The following SFN variants were observed in gnomAD, a reference collection of about 807,000 sequenced individuals.
SFN encodes 14-3-3 protein sigma.
In SFN, 5 loss-of-function variants were observed where a neutral mutation model predicts 19.1. The ratio of observed to expected loss-of-function variants is 0.26; its 90% CI spans 0.14 to 0.55. SFN has a LOEUF of 0.55. SFN is among the 20% of genes least tolerant of loss of function. The probability of loss-of-function intolerance (pLI) is 0.94; values close to 1 mark genes in which losing one functional copy is unlikely to be tolerated. For synonymous variants in SFN, 130 were observed against 140.9 expected, an observed-to-expected ratio of 0.92 and a Z score of 0.55; for missense variants, 287 against 330.0, an observed-to-expected ratio of 0.87 and a Z score of 1.01.
At position 26,863,658 on chromosome 1, in the gene SFN, C is replaced by T. The variant is rs78707984; in HGVS notation, c.446C>T (p.Ser149Leu). The change falls in exon 1 of 1, where the codon TCA becomes TTA. Residue 149 changes from serine to leucine, a missense_variant. Transcript: ENST00000339276. This position sits in a 1 kb window ranked among gnomAD's most constrained non-coding sequence, Gnocchi z 7.4. ...AAGCGCATCATTGACTCAGCCCGGTCAGCCTACCAGGAGGCCATGGACATC... is the reference window on the plus strand; with the variant it reads ...AAGCGCATCATTGACTCAGCCCGGTTAGCCTACCAGGAGGCCATGGACATC... ...DKKRIIDSAR[S>L]AYQEAMDISK... 6.7e-4 allele frequency: 1,078 copies of T among 1,613,964 alleles called. 2 individuals carry two copies. The highest frequency in any genetic ancestry group is 8.9e-4 in the Non-Finnish European group (1,050 of 1,180,030).
Position 26,863,954 on chromosome 1 carries a change from A to T in SFN, c.742A>T (p.Ser248Cys). The T allele has an allele frequency of 1.2e-6, 2 of 1,609,002 alleles. No homozygotes were observed. Among genetic ancestry groups the T allele is most frequent in the Non-Finnish European group, 1.7e-6 (2 of 1,177,540 alleles). The change falls in exon 1 of 1, where the codon AGC (serine) becomes TGC (cysteine). Residue 248 changes from serine to cysteine, a missense_variant. Ser to Cys is a moderately radical substitution (Grantham distance 112). Transcript: ENST00000339276. The surrounding 1 kb of genome is among the most constrained non-coding windows in gnomAD (Gnocchi z 7.4). Reference sequence around the variant, plus strand: ...GGGCGAGGCTCCCCAGGAGCCCCAGAGCTGAGTGTTGCCCGCCACCGCCCC... The same window carrying T: ...GGGCGAGGCTCCCCAGGAGCCCCAGTGCTGAGTGTTGCCCGCCACCGCCCC... ...EGGEAPQEPQ[S>C] is the part of the protein sequence containing the mutation.
At position 26,864,017 on chromosome 1, in the gene SFN, C is replaced by G. The variant is rs2081773893; in HGVS notation, c.*58C>G. The stretch of plus-strand genomic sequence containing the variant: ...CCAGTCCCCCACCCTGCCGAGAGGA[C>G]TAGTATGGGGTGGGAGGCCCCACCC... On this transcript the variant is annotated 3_prime_UTR_variant, in exon 1 of 1. Transcript: ENST00000339276. This position sits in a 1 kb window ranked among gnomAD's most constrained non-coding sequence, Gnocchi z 5.2. 2 of 1,417,084 alleles carry G rather than the reference C, an allele frequency of 1.4e-6. No homozygotes were observed. The highest frequency in any genetic ancestry group is 1.9e-6 in the Non-Finnish European group (2 of 1,051,038). 87.8% of individuals were successfully genotyped at this position (1,417,084 alleles called of 1,614,324 possible).
In SFN at chr1:26,864,364, T is replaced by TGTGTGTGC. The variant is rs746458233; in HGVS notation, c.*406_*407insTGTGTGCG. On this transcript the variant is annotated 3_prime_UTR_variant, in exon 1 of 1. Coordinates refer to ENST00000339276, the MANE Select transcript of SFN (RefSeq NM_006142.5). This position sits in a 1 kb window ranked among gnomAD's most constrained non-coding sequence, Gnocchi z 5.2. Reference sequence around the variant, plus strand: ...GTGTGTGTGTGTGTGTGTGTGTGTGTGCGCGCGCGCCAGTGCAAGACCGAG... The same window carrying TGTGTGTGC: ...GTGTGTGTGTGTGTGTGTGTGTGTGTGTGTGTGCGCGCGCGCGCCAGTGCAAGACCGAG... 4.6e-3 allele frequency: 865 copies of TGTGTGTGC among 187,066 alleles called. 4 individuals carry two copies. The highest frequency in any genetic ancestry group is 6.2e-3 in the Non-Finnish European group (515 of 83,376). The allele number at this position is 187,066 out of a possible 1,614,324, so 11.6% of individuals were successfully genotyped here.
In SFN at chr1:26,863,958, G is replaced by A. The variant is rs757373679; in HGVS notation, c.746G>A (p.Ter249=). The part of the protein sequence containing the change: ...GGEAPQEPQS[*] ...GAGGCTCCCCAGGAGCCCCAGAGCT[G>A]AGTGTTGCCCGCCACCGCCCCGCCC... The change falls in exon 1 of 1, where the codon TGA becomes TAA. Residue 249 remains the stop codon, a stop_retained_variant. Transcript: ENST00000339276. This position sits in a 1 kb window ranked among gnomAD's most constrained non-coding sequence, Gnocchi z 7.4. 5.6e-6 allele frequency: 9 copies of A among 1,606,982 alleles called. No individual in the cohort carries two copies. The highest frequency in any genetic ancestry group is 4.0e-5 in the African/African-American group (3 of 74,844).
rs1224155739 is a variant in SFN, at chr1:26,864,336, T to G, written c.*377T>G. Reference sequence around the variant, plus strand: ...GTGGCAGGGGCTGGAGATGGGTGTGTGTGTGTGTGTGTGTGTGTGTGTGTG... The same window carrying G: ...GTGGCAGGGGCTGGAGATGGGTGTGGGTGTGTGTGTGTGTGTGTGTGTGTG... On this transcript the variant is annotated 3_prime_UTR_variant, in exon 1 of 1. Transcript: ENST00000339276. This position sits in a 1 kb window ranked among gnomAD's most constrained non-coding sequence, Gnocchi z 5.2. 2.1e-5 allele frequency: 4 copies of G among 187,098 alleles called. No individual in the cohort carries two copies. Among genetic ancestry groups the G allele is most frequent in the Non-Finnish European group, 4.7e-5 (4 of 85,176 alleles). 11.6% of individuals were successfully genotyped at this position (187,098 alleles called of 1,614,324 possible). A position where few individuals can be genotyped will look rare whatever the true frequency, so the allele number is the denominator to read the frequency against.
Position 26,864,023 on chromosome 1 carries a change from T to C in SFN, c.*64T>C, listed in dbSNP as rs1260399775. ...CCCCACCCTGCCGAGAGGACTAGTA[T>C]GGGGTGGGAGGCCCCACCCTTCTCC... On this transcript the variant is annotated 3_prime_UTR_variant, in exon 1 of 1. Transcript: ENST00000339276. This position sits in a 1 kb window ranked among gnomAD's most constrained non-coding sequence, Gnocchi z 5.2. The C allele has an allele frequency of 1.2e-5, 16 of 1,376,874 alleles. No homozygotes were observed. Among genetic ancestry groups the C allele is most frequent in the Admixed American group, 2.5e-5 (1 of 39,958 alleles). The allele number at this position is 1,376,874 out of a possible 1,614,324, so 85.3% of individuals were successfully genotyped here. A position where few individuals can be genotyped will look rare whatever the true frequency, so the allele number is the denominator to read the frequency against.
Position 26,863,278 on chromosome 1 carries a change from G to C in SFN, c.66G>C (p.Met22Ile). 6.2e-7 allele frequency: 1 copy of C among 1,614,238 alleles called. No individual in the cohort carries two copies. The highest frequency in any genetic ancestry group is 8.5e-7 in the Non-Finnish European group (1 of 1,180,048). ...AGCAGGCCGAACGCTATGAGGACAT[G>C]GCAGCCTTCATGAAAGGCGCCGTGG... ...LAEQAERYED[M>I]AAFMKGAVEK... Residue 22 changes from methionine to isoleucine, a missense_variant, in exon 1 of 1, where the codon ATG (methionine) becomes ATC (isoleucine). Met to Ile is a conservative substitution (Grantham distance 10). Transcript: ENST00000339276. This position sits in a 1 kb window ranked among gnomAD's most constrained non-coding sequence, Gnocchi z 7.4.
rs754674489 is a variant in SFN, at chr1:26,863,270, G to A, written c.58G>A (p.Glu20Lys). ...AKLAEQAERY[E>K]DMAAFMKGAV... ...GCTGGCAGAGCAGGCCGAACGCTATGAGGACATGGCAGCCTTCATGAAAGG... is the reference window on the plus strand; with the variant it reads ...GCTGGCAGAGCAGGCCGAACGCTATAAGGACATGGCAGCCTTCATGAAAGG... Residue 20 changes from glutamate (E) to lysine (K), a missense_variant, in exon 1 of 1, where the codon GAG becomes AAG. Physicochemically the swap from Glu to Lys is moderately conservative, Grantham distance 56 (BLOSUM62 1). Transcript: ENST00000339276. This position sits in a 1 kb window ranked among gnomAD's most constrained non-coding sequence, Gnocchi z 7.4. 1.5e-5 allele frequency: 24 copies of A among 1,614,116 alleles called. No individual in the cohort carries two copies. The highest frequency in any genetic ancestry group is 1.5e-5 in the Non-Finnish European group (18 of 1,180,056).
In SFN at chr1:26,863,896, A is replaced by G; in HGVS notation, c.684A>G (p.Thr228=). Reference sequence around the variant, plus strand: ...TGCAGCTGCTGCGAGACAACCTGACACTGTGGACGGCCGACAACGCCGGGG... The same window carrying G: ...TGCAGCTGCTGCGAGACAACCTGACGCTGTGGACGGCCGACAACGCCGGGG... ...LIMQLLRDNL[T]LWTADNAGEE... The change falls in exon 1 of 1, where the codon ACA becomes ACG. Residue 228 remains threonine (T), a synonymous_variant. Transcript: ENST00000339276. The surrounding 1 kb of genome is among the most constrained non-coding windows in gnomAD (Gnocchi z 7.4). 1 of 1,614,004 alleles carries G rather than the reference A, an allele frequency of 6.2e-7. No homozygotes were observed. The highest frequency in any genetic ancestry group is 8.5e-7 in the Non-Finnish European group (1 of 1,179,966).
At position 26,863,914 on chromosome 1, in the gene SFN, C is replaced by G; in HGVS notation, c.702C>G (p.Asn234Lys). ...ACCTGACACTGTGGACGGCCGACAA[C>G]GCCGGGGAAGAGGGGGGCGAGGCTC... ...RDNLTLWTAD[N>K]AGEEGGEAPQ... The change falls in exon 1 of 1, where the codon AAC becomes AAG. Residue 234 changes from asparagine to lysine, a missense_variant. Physicochemically the swap from Asn to Lys is moderately conservative, Grantham distance 94. Transcript: ENST00000339276. The surrounding 1 kb of genome is among the most constrained non-coding windows in gnomAD (Gnocchi z 7.4). The G allele has an allele frequency of 6.2e-7, 1 of 1,613,944 alleles. No individual in the cohort carries two copies. Among genetic ancestry groups the G allele is most frequent in the Non-Finnish European group, 8.5e-7 (1 of 1,179,920 alleles).
In SFN at chr1:26,863,223, C is replaced by T. The variant is rs568265886; in HGVS notation, c.11C>T (p.Ala4Val). ...TGTGTCCCCAGAGCCATGGAGAGAG[C>T]CAGTCTGATCCAGAAGGCCAAGCTG... MER[A>V]SLIQKAKLAE... The change falls in exon 1 of 1, where the codon GCC becomes GTC. Residue 4 changes from alanine (A) to valine (V), a missense_variant. Coordinates refer to ENST00000339276, the MANE Select transcript of SFN (RefSeq NM_006142.5). This position sits in a 1 kb window ranked among gnomAD's most constrained non-coding sequence, Gnocchi z 7.4. 44 of 1,614,086 alleles carry T rather than the reference C, an allele frequency of 2.7e-5. No individual in the cohort carries two copies. In the South Asian group the frequency reaches 4.8e-4, roughly 18 times the overall value.
rs1557649989 is a variant in SFN, at chr1:26,863,433, C to G, written c.221C>G (p.Ser74Trp). Residue 74 changes from serine (S) to tryptophan (W), a missense_variant, in exon 1 of 1, where the codon TCG (serine) becomes TGG (tryptophan). Coordinates refer to ENST00000339276, the MANE Select transcript of SFN (RefSeq NM_006142.5). The surrounding 1 kb of genome is among the most constrained non-coding windows in gnomAD (Gnocchi z 7.4). ...SIEQKSNEEG[S>W]EEKGPEVREY... ...GAGCAGAAAAGCAACGAGGAGGGCTCGGAGGAGAAGGGGCCCGAGGTGCGT... is the reference window on the plus strand; with the variant it reads ...GAGCAGAAAAGCAACGAGGAGGGCTGGGAGGAGAAGGGGCCCGAGGTGCGT... 6.2e-7 allele frequency: 1 copy of G among 1,614,074 alleles called. No individual in the cohort carries two copies. The highest frequency in any genetic ancestry group is 1.1e-5 in the South Asian group (1 of 91,064).
At position 26,864,330 on chromosome 1, in the gene SFN, G is replaced by GGTGTGTGTGT. The variant is rs3065004; in HGVS notation, c.*397_*406dup. 198 of 202,662 alleles carry GGTGTGTGTGT rather than the reference G, an allele frequency of 9.8e-4. No homozygotes were observed. Among genetic ancestry groups the GGTGTGTGTGT allele is most frequent in the Middle Eastern group, 2.0e-3 (1 of 506 alleles). 12.6% of individuals were successfully genotyped at this position (202,662 alleles called of 1,614,324 possible). A position where few individuals can be genotyped will look rare whatever the true frequency, so the allele number is the denominator to read the frequency against. ...TGGACAGTGGCAGGGGCTGGAGATGGGTGTGTGTGTGTGTGTGTGTGTGTG... is the reference window on the plus strand; with the variant it reads ...TGGACAGTGGCAGGGGCTGGAGATGGGTGTGTGTGTGTGTGTGTGTGTGTGTGTGTGTGTG... On this transcript the variant is annotated 3_prime_UTR_variant, in exon 1 of 1. Transcript: ENST00000339276. The surrounding 1 kb of genome is among the most constrained non-coding windows in gnomAD (Gnocchi z 5.2).
rs746975829 is a variant in SFN, at chr1:26,863,874, A to G, written c.662A>G (p.Gln221Arg). Residue 221 changes from glutamine (Q) to arginine (R), a missense_variant, in exon 1 of 1, where the codon CAG becomes CGG. By Grantham distance (43) the Gln-to-Arg change is conservative. Coordinates refer to ENST00000339276, the MANE Select transcript of SFN (RefSeq NM_006142.5). This position sits in a 1 kb window ranked among gnomAD's most constrained non-coding sequence, Gnocchi z 7.4. ...DSYKDSTLIM[Q>R]LLRDNLTLWT... ...TACAAAGACAGCACCCTCATCATGCAGCTGCTGCGAGACAACCTGACACTG... is the reference window on the plus strand; with the variant it reads ...TACAAAGACAGCACCCTCATCATGCGGCTGCTGCGAGACAACCTGACACTG... 19 of 1,614,132 alleles carry G rather than the reference A, an allele frequency of 1.2e-5. No individual in the cohort carries two copies. Among genetic ancestry groups the G allele is most frequent in the Non-Finnish European group, 1.6e-5 (19 of 1,180,012 alleles).
At position 26,863,755 on chromosome 1, in the gene SFN, C is replaced by T. The variant is rs768613269; in HGVS notation, c.543C>T (p.Tyr181=). Residue 181 remains tyrosine (Y), a synonymous_variant, in exon 1 of 1, where the codon TAC becomes TAT. Coordinates refer to ENST00000339276, the MANE Select transcript of SFN (RefSeq NM_006142.5). The surrounding 1 kb of genome is among the most constrained non-coding windows in gnomAD (Gnocchi z 7.4). The part of the protein sequence containing the change: ...GLALNFSVFH[Y]EIANSPEEAI... The stretch of plus-strand genomic sequence containing the variant: ...CCCTGAACTTTTCCGTCTTCCACTA[C>T]GAGATCGCCAACAGCCCCGAGGAGG... 12 of 1,614,130 alleles carry T rather than the reference C, an allele frequency of 7.4e-6. No homozygotes were observed. In the South Asian group the frequency reaches 1.3e-4, roughly 18 times the overall value.
In SFN at chr1:26,863,766, A is replaced by G. The variant is rs965426042; in HGVS notation, c.554A>G (p.Asn185Ser). The change falls in exon 1 of 1, where the codon AAC becomes AGC. Residue 185 changes from asparagine (N) to serine (S), a missense_variant. Transcript: ENST00000339276. This position sits in a 1 kb window ranked among gnomAD's most constrained non-coding sequence, Gnocchi z 7.4. Reference sequence around the variant, plus strand: ...TCCGTCTTCCACTACGAGATCGCCAACAGCCCCGAGGAGGCCATCTCTCTG... The same window carrying G: ...TCCGTCTTCCACTACGAGATCGCCAGCAGCCCCGAGGAGGCCATCTCTCTG... ...NFSVFHYEIANSPEEAISLAK... is the reference protein window; with the variant it reads ...NFSVFHYEIASSPEEAISLAK... 2 of 1,614,122 alleles carry G rather than the reference A, an allele frequency of 1.2e-6. No individual in the cohort carries two copies. The highest frequency in any genetic ancestry group is 1.7e-6 in the Non-Finnish European group (2 of 1,180,020).
rs1196438337 is a variant in SFN, at chr1:26,864,348, T to TGG, written c.*390_*391insGG. The TGG allele has an allele frequency of 2.8e-5, 6 of 216,586 alleles. No homozygotes were observed. The highest frequency in any genetic ancestry group is 2.2e-4 in the South Asian group (2 of 9,040). The allele number at this position is 216,586 out of a possible 1,614,324, so 13.4% of individuals were successfully genotyped here. The stretch of plus-strand genomic sequence containing the variant: ...GGAGATGGGTGTGTGTGTGTGTGTG[T>TGG]GTGTGTGTGTGTGTGTGCGCGCGCG... On this transcript the variant is annotated 3_prime_UTR_variant, in exon 1 of 1. Transcript: ENST00000339276. This position sits in a 1 kb window ranked among gnomAD's most constrained non-coding sequence, Gnocchi z 5.2.
Position 26,863,715 on chromosome 1 carries a change from T to G in SFN, c.503T>G (p.Ile168Ser). Residue 168 changes from isoleucine (I) to serine (S), a missense_variant, in exon 1 of 1, where the codon ATC (isoleucine) becomes AGC (serine). Transcript: ENST00000339276. This position sits in a 1 kb window ranked among gnomAD's most constrained non-coding sequence, Gnocchi z 7.4. Reference sequence around the variant, plus strand: ...AAGGAGATGCCGCCCACCAACCCCATCCGCCTGGGCCTGGCCCTGAACTTT... The same window carrying G: ...AAGGAGATGCCGCCCACCAACCCCAGCCGCCTGGGCCTGGCCCTGAACTTT... ...SKKEMPPTNPIRLGLALNFSV... is the reference protein window; with the variant it reads ...SKKEMPPTNPSRLGLALNFSV... 1.2e-6 allele frequency: 2 copies of G among 1,613,600 alleles called. No homozygotes were observed. The highest frequency in any genetic ancestry group is 1.7e-6 in the Non-Finnish European group (2 of 1,179,922).
In SFN at chr1:26,863,858, A is replaced by G. The variant is rs757413612; in HGVS notation, c.646A>G (p.Ser216Gly). Residue 216 changes from serine to glycine, a missense_variant, in exon 1 of 1, where the codon AGC becomes GGC. Ser to Gly is a moderately conservative substitution (Grantham distance 56). Transcript: ENST00000339276. This position sits in a 1 kb window ranked among gnomAD's most constrained non-coding sequence, Gnocchi z 7.4. ...HTLSEDSYKD[S>G]TLIMQLLRDN... ...CCTCAGCGAGGACTCCTACAAAGACAGCACCCTCATCATGCAGCTGCTGCG... is the reference window on the plus strand; with the variant it reads ...CCTCAGCGAGGACTCCTACAAAGACGGCACCCTCATCATGCAGCTGCTGCG... 1 of 1,614,126 alleles carries G rather than the reference A, an allele frequency of 6.2e-7. No individual in the cohort carries two copies. The highest frequency in any genetic ancestry group is 1.1e-5 in the South Asian group (1 of 91,082).
Sources: allele counts gnomAD v4.1 joint callset, GRCh38; gene constraint gnomAD v4.1.1; non-coding constraint Gnocchi (gnomAD v3.1); transcripts MANE v1.5; gene names NCBI Gene and HGNC (gene_info 2026-07-23, HGNC 2026-07-21).